The following ACYP2 variants were observed in gnomAD, a reference collection of about 807,000 sequenced individuals.
ACYP2 encodes the protein acylphosphatase-2.
ACYP2 carries 12 observed loss-of-function variants against 11.2 expected under a neutral mutation model. That is an observed-to-expected ratio of 1.08 (90% CI 0.69 to 1.74). ACYP2 has a LOEUF of 1.74. Ranked by LOEUF, ACYP2 falls within the 40% of genes most tolerant of loss-of-function variation. The pLI is 0.00. For missense variants in ACYP2, 134 were observed against 101.9 expected, an observed-to-expected ratio of 1.31 and a Z score of -1.35; for synonymous variants, 43 against 32.2, an observed-to-expected ratio of 1.33 and a Z score of -1.13.
At chr2:54,185,148 C>T (rs941463282) in intron 6 of ACYP2, among the ~76,000 whole-genome samples, 1 of 152,124 alleles carries the variant, frequency 6.6e-6, no homozygotes, top group Non-Finnish European at 1.5e-5. Flanking sequence ...TATGGGTGCC[C>T]CTGATTAATC....
chr2:54,122,648 T>C (rs1393121908), intron 4 of ACYP2, among the ~76,000 whole-genome samples: 10 of 152,198 alleles, frequency 6.6e-5, no homozygotes. Flanking sequence ...TATATAGATA[T>C]CTATCTGTTG....
chr2:54,094,778 T>TAA (rs1157572460), intron 4 of ACYP2, among the ~76,000 whole-genome samples: 1 of 152,000 alleles, frequency 6.6e-6, no homozygotes, highest in Non-Finnish European at 1.5e-5. Context: ...CCTCAAGTGA[T>TAA]CCGCCCACCT....
intron 4 of ACYP2, among the ~76,000 whole-genome samples, chr2:54,059,930 C>T (rs1327249283): frequency 6.6e-6 from 1 of 152,214 alleles, no homozygotes; most frequent in East Asian, 1.9e-4. Flanking sequence ...GATGCCCATT[C>T]TGATTCCACA....
At chr2:54,029,691 A>G (rs1674480180) in intron 2 of ACYP2, 2 of 523,844 alleles carry the variant, frequency 3.8e-6, no homozygotes, top group Non-Finnish European at 3.6e-6. Flanking sequence ...CTTAATACCC[A>G]CGTTAATTCT....
intron 6 of ACYP2, among the ~76,000 whole-genome samples, chr2:54,248,650 C>T (rs1339751637): frequency 6.6e-6 from 1 of 152,068 alleles, no homozygotes; most frequent in Non-Finnish European, 1.5e-5. Flanking sequence ...TTGTCTGTCT[C>T]CTATGCTAGA....
intron 6 of ACYP2, among the ~76,000 whole-genome samples, chr2:54,252,745 A>C (rs994904513): frequency 6.6e-6 from 1 of 152,102 alleles, no homozygotes; most frequent in Non-Finnish European, 1.5e-5. Flanking sequence ...TCTCCTAAAA[A>C]TACAAAAAAT....
chr2:54,019,890 G>A (rs1457456305), intron 2 of ACYP2, among the ~76,000 whole-genome samples: 1 of 152,002 alleles, frequency 6.6e-6, no homozygotes, highest in African/African-American at 2.4e-5. Context: ...AAAGTGCTGG[G>A]ATTACAAGCA....
At chr2:54,128,520 A>G (rs1442338482) in intron 4 of ACYP2, among the ~76,000 whole-genome samples, 6 of 152,108 alleles carry the variant, frequency 3.9e-5, no homozygotes, top group Non-Finnish European at 8.8e-5. Context: ...TTTTAAAACT[A>G]TCCAGACGTG....
chr2:54,121,123 C>T (rs1021287588), intron 4 of ACYP2, among the ~76,000 whole-genome samples: 14 of 152,226 alleles, frequency 9.2e-5, no homozygotes, highest in Admixed American at 1.3e-4. Context: ...GAATGAGGTA[C>T]GCGGACACTG....
In ACYP2 at chr2:54,044,497, G is replaced by A. The variant is rs202066641; in HGVS notation, c.63-6461G>A. 2.6e-5 allele frequency among the ~76,000 whole-genome samples: 4 copies of A among 151,796 alleles called. No homozygotes were observed. The East Asian group carries it at 5.8e-4, about 22-fold the overall frequency. On this transcript the variant is annotated intron_variant, in intron 2 of 6. Transcript: ENST00000607452. ...GGCACAGTGCCAGGCTGAGGTGGGA[G>A]GATCACCTGAGCCCGGGAGGTGGAG...
At chr2:53,973,023 G>T (rs750556916) in intron 1 of ACYP2, among the ~76,000 whole-genome samples, 1 of 152,110 alleles carries the variant, frequency 6.6e-6, no homozygotes, top group Non-Finnish European at 1.5e-5. Flanking sequence ...CACATTTAAG[G>T]ACAGACAGAG....
chr2:54,099,458 G>T (rs951867140), intron 4 of ACYP2, among the ~76,000 whole-genome samples: 3 of 152,018 alleles, frequency 2.0e-5, no homozygotes, highest in African/African-American at 7.2e-5. Flanking sequence ...CCCAGACCCT[G>T]GTCCCCACCA....
intron 6 of ACYP2, among the ~76,000 whole-genome samples, chr2:54,152,743 C>A (rs1278937488): frequency 3.9e-5 from 6 of 152,084 alleles, no homozygotes; most frequent in Non-Finnish European, 8.8e-5. Context: ...CTTCTTATTG[C>A]TGAATACTAT....
At chr2:54,140,222 A>G (rs2103786614) in intron 6 of ACYP2, among the ~76,000 whole-genome samples, 1 of 152,306 alleles carries the variant, frequency 6.6e-6, no homozygotes, top group South Asian at 2.1e-4. Context: ...AAAATGCCAA[A>G]TGATTGTGTG....
intron 4 of ACYP2, among the ~76,000 whole-genome samples, chr2:54,105,907 C>A (rs756898196): frequency 6.6e-6 from 1 of 151,888 alleles, no homozygotes; most frequent in African/African-American, 2.4e-5. Context: ...GGCAGTGTGG[C>A]AGAGTGGAAA....
intron 2 of ACYP2, among the ~76,000 whole-genome samples, chr2:54,044,161 G>C (rs888112349): frequency 6.6e-6 from 1 of 152,130 alleles, no homozygotes; most frequent in African/African-American, 2.4e-5. Flanking sequence ...TAAACTGCAC[G>C]TCACAGTTAC....
intron 2 of ACYP2, among the ~76,000 whole-genome samples, chr2:54,039,279 C>G (rs1182752250): frequency 5.0e-5 from 4 of 79,996 alleles, no homozygotes; most frequent in African/African-American, 1.9e-4. Context: ...CTTTTCTTCT[C>G]TTTTTTTCTT....
intron 2 of ACYP2, among the ~76,000 whole-genome samples, chr2:54,049,155 G>A (rs1327231835): frequency 2.0e-5 from 3 of 152,088 alleles, no homozygotes; most frequent in Non-Finnish European, 4.4e-5. Context: ...CAGCTACTCA[G>A]GAGGGTAAGG....
intron 4 of ACYP2, among the ~76,000 whole-genome samples, chr2:54,107,722 T>C (rs1679240409): frequency 6.6e-6 from 1 of 152,236 alleles, no homozygotes; most frequent in African/African-American, 2.4e-5. Context: ...GAATATCAAT[T>C]CGGGAATCCA....
Sources: allele counts gnomAD v4.1 joint callset (sites outside exome capture counted in the v4.1 genomes callset), GRCh38; gene constraint gnomAD v4.1.1; transcripts MANE v1.5; gene names NCBI Gene and HGNC (gene_info 2026-07-23, HGNC 2026-07-21).